Variants in GRIA2 observed in about 807,000 individuals in gnomAD.
GRIA2 encodes glutamate receptor 2.
GRIA2 carries 14 observed loss-of-function variants against 97.3 expected under a neutral mutation model. That is an observed-to-expected ratio of 0.14 (90% CI 0.10 to 0.23). The LOEUF (loss-of-function observed/expected upper bound fraction) is 0.23, where lower values mean the gene tolerates loss of function less well. Ranked by LOEUF, GRIA2 falls within the 10% of genes least tolerant of loss-of-function variation. The pLI, the probability that GRIA2 is intolerant of heterozygous loss-of-function variation, is 1.00. For missense variants in GRIA2, 558 were observed against 1,069.8 expected, an observed-to-expected ratio of 0.52 and a Z score of 6.67; for synonymous variants, 412 against 387.8, an observed-to-expected ratio of 1.06 and a Z score of -0.73.
chr4:157,245,751 A>C (rs1730704715), intron 2 of GRIA2, among the ~76,000 whole-genome samples: 1 of 152,082 alleles, frequency 6.6e-6, no homozygotes, highest in Non-Finnish European at 1.5e-5. Flanking sequence ...CTTCTTGTCA[A>C]GGAGTTTTGC....
chr4:157,353,369 A>AAAACG (rs1444041742), intron 12 of GRIA2, among the ~76,000 whole-genome samples: 4 of 146,958 alleles, frequency 2.7e-5, no homozygotes, highest in Admixed American at 6.8e-5. Context: ...AAAACAAAAC[A>AAAACG]AAACAAAACC....
chr4:157,270,182 T>A (rs1731953964), intron 2 of GRIA2, among the ~76,000 whole-genome samples: 1 of 152,136 alleles, frequency 6.6e-6, no homozygotes, highest in Non-Finnish European at 1.5e-5. Context: ...TGGAGCTTTA[T>A]GTGGCAGAGG....
chr4:157,348,092 G>A (rs1348354954), intron 12 of GRIA2, among the ~76,000 whole-genome samples: 2 of 151,856 alleles, frequency 1.3e-5, no homozygotes, highest in South Asian at 2.1e-4. Flanking sequence ...CTCCAGCCGG[G>A]CAACAGAGTG....
chr4:157,339,659 G>A (rs946919563), intron 11 of GRIA2, among the ~76,000 whole-genome samples: 6 of 151,862 alleles, frequency 4.0e-5, no homozygotes, highest in East Asian at 1.9e-4. Context: ...ATTCTTAAAC[G>A]TGTCATAAAT....
At chr4:157,261,863 G>A (rs1283359868) in intron 2 of GRIA2, among the ~76,000 whole-genome samples, 1 of 151,962 alleles carries the variant, frequency 6.6e-6, no homozygotes, top group Non-Finnish European at 1.5e-5. Flanking sequence ...CCAGCTTCCT[G>A]ATTTTGCCTT....
chr4:157,265,740 T>A (rs1032885484), intron 2 of GRIA2, among the ~76,000 whole-genome samples: 3 of 152,062 alleles, frequency 2.0e-5, no homozygotes, highest in African/African-American at 7.2e-5. Context: ...CTTTATGAGA[T>A]GAAGCTGGGA....
At chr4:157,256,975 A>C in intron 2 of GRIA2, among the ~76,000 whole-genome samples, 1 of 152,048 alleles carries the variant, frequency 6.6e-6, no homozygotes, top group Admixed American at 6.6e-5. Flanking sequence ...GTGTTGAGGT[A>C]TTTGGAAAGC....
At chr4:157,358,687 A>T (rs959900316) in intron 12 of GRIA2, among the ~76,000 whole-genome samples, 2 of 152,078 alleles carry the variant, frequency 1.3e-5, no homozygotes, top group African/African-American at 4.8e-5. Context: ...CTTAAGTCTG[A>T]GCATCTCTGT....
chr4:157,239,542 T>C (rs1204976544), intron 2 of GRIA2, among the ~76,000 whole-genome samples: 1 of 152,004 alleles, frequency 6.6e-6, no homozygotes, highest in East Asian at 1.9e-4. Flanking sequence ...TTCATTATAA[T>C]TTCTAATAAT....
chr4:157,256,198 TTACA>T (rs1561013128), intron 2 of GRIA2, among the ~76,000 whole-genome samples: 12 of 135,032 alleles, frequency 8.9e-5, no homozygotes, highest in Non-Finnish European at 1.9e-4. Context: ...ATAACATATA[TTACA>T]TATATATGTT....
At chr4:157,327,502 T>C (rs1734856501) in intron 6 of GRIA2, among the ~76,000 whole-genome samples, 1 of 151,946 alleles carries the variant, frequency 6.6e-6, no homozygotes. Flanking sequence ...TTAAAAGTAA[T>C]TTTTTTAAAG....
At chr4:157,340,555 T>C (rs1735501737) in intron 11 of GRIA2, among the ~76,000 whole-genome samples, 3 of 152,098 alleles carry the variant, frequency 2.0e-5, no homozygotes, top group African/African-American at 7.2e-5. Context: ...TTTAAATGTC[T>C]AATTTGTTTT....
At position 157,334,102 on chromosome 4, in the gene GRIA2, T is replaced by G. The variant is rs1166717561; in HGVS notation, c.1248T>G (p.Val416=). The G allele has an allele frequency of 1.9e-6, 3 of 1,592,212 alleles. No individual in the cohort carries two copies. Among genetic ancestry groups the G allele is most frequent in the Non-Finnish European group, 2.6e-6 (3 of 1,160,682 alleles). ...CCTCTGGGCTTGAGAATAAGACTGT[T>G]GTTGTCACCACAATTTTGGTAATTT... ...NDTSGLENKT[V]VVTTILESPY... Residue 416 remains valine, a synonymous_variant, in exon 9 of 16, where the codon GTT becomes GTG. Transcript: ENST00000264426.
chr4:157,243,770 G>A (rs1484027607), intron 2 of GRIA2, among the ~76,000 whole-genome samples: 1 of 152,004 alleles, frequency 6.6e-6, no homozygotes, highest in African/African-American at 2.4e-5. Context: ...GCTGTAAGTT[G>A]GGATGCACAT....
chr4:157,262,158 A>G (rs556879004), intron 2 of GRIA2, among the ~76,000 whole-genome samples: 1 of 152,088 alleles, frequency 6.6e-6, no homozygotes, highest in Non-Finnish European at 1.5e-5. Context: ...GGTGGCCAGT[A>G]TAAGTATCAA....
Position 157,363,645 on chromosome 4 carries a change from G to T in GRIA2, c.*214G>T. On this transcript the variant is annotated 3_prime_UTR_variant, in exon 16 of 16. Coordinates refer to ENST00000264426, the MANE Select transcript of GRIA2 (RefSeq NM_001083619.3). ...GCCTTACACAATGGTTTTCTTGTGT[G>T]TTTATTGTCAAAGTGGTGAGAGGCA... The T allele has an allele frequency of 8.9e-7, 1 of 1,128,608 alleles. No individual in the cohort carries two copies. The highest frequency in any genetic ancestry group is 1.1e-6 in the Non-Finnish European group (1 of 891,910). 69.9% of individuals were successfully genotyped at this position (1,128,608 alleles called of 1,614,324 possible). A position where few individuals can be genotyped will look rare whatever the true frequency, so the allele number is the denominator to read the frequency against.
chr4:157,298,565 A>T (rs1283190401), intron 2 of GRIA2, among the ~76,000 whole-genome samples: 1 of 149,726 alleles, frequency 6.7e-6, no homozygotes, highest in South Asian at 2.1e-4. Context: ...AGAAGTTTCC[A>T]TATAATGAAC....
chr4:157,224,134 A>T (rs1729637550), intron 2 of GRIA2, among the ~76,000 whole-genome samples: 1 of 152,186 alleles, frequency 6.6e-6, no homozygotes, highest in African/African-American at 2.4e-5. Flanking sequence ...TGGAATAATC[A>T]AGTCTTCATT....
At chr4:157,236,885 G>T (rs1730275715) in intron 2 of GRIA2, among the ~76,000 whole-genome samples, 1 of 152,082 alleles carries the variant, frequency 6.6e-6, no homozygotes, top group Admixed American at 6.6e-5. Context: ...ATACATTAAA[G>T]TAGCACACTT....
Sources: allele counts gnomAD v4.1 joint callset (sites outside exome capture counted in the v4.1 genomes callset), GRCh38; gene constraint gnomAD v4.1.1; transcripts MANE v1.5; gene names NCBI Gene and HGNC (gene_info 2026-07-23, HGNC 2026-07-21).